The following PCLO variants were observed in gnomAD, a reference collection of about 807,000 sequenced individuals.
The protein encoded by PCLO is piccolo presynaptic cytomatrix protein, also known as protein piccolo.
PCLO carries 82 observed loss-of-function variants against 427.5 expected under a neutral mutation model. The ratio of observed to expected loss-of-function variants is 0.19; its 90% confidence interval spans 0.16 to 0.23. The LOEUF (loss-of-function observed/expected upper bound fraction) is 0.23, where lower values mean the gene tolerates loss of function less well. Ranked by LOEUF, PCLO falls within the 10% of genes least tolerant of loss-of-function variation. The pLI is 1.00. For synonymous variants in PCLO, 2,357 were observed against 2,155.4 expected, an observed-to-expected ratio of 1.09 and a Z score of -2.59; for missense variants, 6,239 against 6,115.9, an observed-to-expected ratio of 1.02 and a Z score of -0.67.
intron 22 of PCLO, among the ~76,000 whole-genome samples, chr7:82,785,338 C>T (rs376167857): frequency 3.9e-4 from 59 of 152,156 alleles, no homozygotes; most frequent in African/African-American, 1.1e-3. Context: ...TCTGACAGGA[C>T]GCAGAACTCA....
chr7:83,009,242 A>G (rs2115978286), intron 3 of PCLO, among the ~76,000 whole-genome samples: 1 of 152,020 alleles, frequency 6.6e-6, no homozygotes, highest in African/African-American at 2.4e-5. Context: ...TTTTAGAGAT[A>G]AATAATTTCA....
chr7:82,824,438 A>T, intron 18 of PCLO, 22 bp from the exon 19 acceptor site: 1 of 1,508,308 alleles, frequency 6.6e-7, no homozygotes, highest in Non-Finnish European at 9.1e-7. Flanking sequence ...TGTAACAAAT[A>T]AATGAAATTT....
At chr7:82,974,482 C>T (rs917007798) in intron 3 of PCLO, among the ~76,000 whole-genome samples, 2 of 152,036 alleles carry the variant, frequency 1.3e-5, no homozygotes, top group Non-Finnish European at 2.9e-5. Flanking sequence ...ACCAATGATG[C>T]GCTAAACTTA....
chr7:83,001,132 A>T (rs1341297216), intron 3 of PCLO, among the ~76,000 whole-genome samples: 1 of 152,068 alleles, frequency 6.6e-6, no homozygotes, highest in Non-Finnish European at 1.5e-5. Context: ...CAAATAAAAT[A>T]AAAATTTGAC....
intron 3 of PCLO, among the ~76,000 whole-genome samples, chr7:83,020,046 T>A (rs1445640989): frequency 1.3e-5 from 2 of 152,112 alleles, no homozygotes; most frequent in African/African-American, 4.8e-5. Flanking sequence ...TTCTTTGTAG[T>A]TAGCTGAATT....
chr7:82,795,364 G>T (rs1791202934), intron 22 of PCLO, among the ~76,000 whole-genome samples: 1 of 152,068 alleles, frequency 6.6e-6, no homozygotes, highest in Non-Finnish European at 1.5e-5. Context: ...TTTAATATCT[G>T]ATAAAACAAG....
chr7:82,974,960 G>T (rs1355085229), intron 3 of PCLO, among the ~76,000 whole-genome samples: 1 of 151,894 alleles, frequency 6.6e-6, no homozygotes, highest in Non-Finnish European at 1.5e-5. Context: ...TGCATTTTTA[G>T]TAGAGGCGGG....
chr7:82,824,462 T>C (rs1476575731), intron 18 of PCLO, 46 bp from the exon 19 acceptor site: 1 of 1,207,360 alleles, frequency 8.3e-7, no homozygotes, highest in African/African-American at 1.5e-5. Flanking sequence ...GACTAAAGTA[T>C]AATTGATTCA....
chr7:83,015,324 GT>G (rs905704351), intron 3 of PCLO, among the ~76,000 whole-genome samples: 136 of 147,204 alleles, frequency 9.2e-4, no homozygotes, highest in Admixed American at 1.8e-3. Flanking sequence ...CTAGGTCTAG[GT>G]TTTTTTTTTT....
chr7:83,107,986 TAAAAAAAAAA>T (rs58192300), intron 3 of PCLO, among the ~76,000 whole-genome samples: 2 of 95,410 alleles, frequency 2.1e-5, no homozygotes, highest in African/African-American at 3.5e-5. Flanking sequence ...AGACTCCGTC[TAAAAAAAAAA>T]AAAAAAAAAA....
chr7:82,833,333 T>G (rs923871262), intron 16 of PCLO, among the ~76,000 whole-genome samples: 1 of 152,156 alleles, frequency 6.6e-6, no homozygotes, highest in African/African-American at 2.4e-5. Context: ...CGCTCAACAG[T>G]GTGATGAGAG....
At chr7:83,130,184 CATT>C (rs1791535901) in intron 3 of PCLO, among the ~76,000 whole-genome samples, 1 of 151,832 alleles carries the variant, frequency 6.6e-6, no homozygotes, top group Admixed American at 6.6e-5. Flanking sequence ...CGAAGTCTCC[CATT>C]ATTATTATTT....
chr7:82,926,290 T>C (rs1037106671), intron 6 of PCLO, among the ~76,000 whole-genome samples: 11 of 152,106 alleles, frequency 7.2e-5, no homozygotes, highest in Non-Finnish European at 1.3e-4. Flanking sequence ...ATGTTTGAGG[T>C]ATTAAAAATT....
At chr7:82,784,347 C>T (rs1384145025) in intron 22 of PCLO, among the ~76,000 whole-genome samples, 1 of 152,260 alleles carries the variant, frequency 6.6e-6, no homozygotes, top group Admixed American at 6.5e-5. Context: ...CAGCCGGGAA[C>T]GTTATTTGTA....
chr7:82,986,300 G>A (rs1412590679), intron 3 of PCLO, among the ~76,000 whole-genome samples: 1 of 151,720 alleles, frequency 6.6e-6, no homozygotes, highest in East Asian at 1.9e-4. Flanking sequence ...ATTTGTAACA[G>A]CTTTCTTCCC....
chr7:83,137,116 C>A (rs964002111), intron 2 of PCLO, among the ~76,000 whole-genome samples: 1 of 152,076 alleles, frequency 6.6e-6, no homozygotes, highest in African/African-American at 2.4e-5. Context: ...GACAAATTTC[C>A]CACAGTACAA....
intron 3 of PCLO, among the ~76,000 whole-genome samples, chr7:83,050,443 G>A (rs989972206): frequency 3.3e-5 from 5 of 151,332 alleles, no homozygotes; most frequent in African/African-American, 1.2e-4. Context: ...TTTATTCCTT[G>A]ACATTAACTA....
At chr7:82,762,660 T>C (rs1790454930) in intron 22 of PCLO, among the ~76,000 whole-genome samples, 1 of 152,076 alleles carries the variant, frequency 6.6e-6, no homozygotes, top group Admixed American at 6.6e-5. Flanking sequence ...TGACAACTGC[T>C]TTAATGAAAA....
rs894930037 is a variant in PCLO at position 82,754,758 on chromosome 7, A to G, written c.*3817T>C. On this transcript the variant is annotated 3_prime_UTR_variant, in exon 25 of 25. Transcript: ENST00000333891. The stretch of plus-strand genomic sequence containing the variant: ...TGTTTCACTCATTCATTACTGTATT[A>G]CACCCAAGGCAAGTAATTATTAAAT... The G allele has an allele frequency of 1.3e-5, 2 of 152,094 alleles. No individual in the cohort carries two copies. The highest frequency in any genetic ancestry group is 2.4e-5 in the African/African-American group (1 of 41,438). The allele number at this position is 152,094 out of a possible 1,614,324, so 9.4% of individuals were successfully genotyped here.
Sources: allele counts gnomAD v4.1 joint callset (sites outside exome capture counted in the v4.1 genomes callset), GRCh38; gene constraint gnomAD v4.1.1; transcripts MANE v1.5; gene names NCBI Gene and HGNC (gene_info 2026-07-23, HGNC 2026-07-21).